The following MSANTD7 variants were observed in gnomAD, a reference collection of about 807,000 sequenced individuals.
MSANTD7 encodes the protein Myb/SANT DNA binding domain containing 7.
the MSANTD7 span, chr10:14,845,776 AG>A: frequency 5.9e-6 from 1 of 170,290 alleles, no homozygotes; most frequent in Admixed American, 6.6e-5. Flanking sequence ...TGGCCAGGCT[AG>A]TCTTGAACTC....
chr10:14,844,741 G>T, the MSANTD7 span: 4 of 967,300 alleles, frequency 4.1e-6, no homozygotes, highest in Non-Finnish European at 3.7e-6. Context: ...TAAATTCTTT[G>T]CATTTCATAT....
chr10:14,838,495 C>T, the MSANTD7 span: 3 of 1,557,166 alleles, frequency 1.9e-6, no homozygotes, highest in Middle Eastern at 1.9e-4. Context: ...GGCTTCATGA[C>T]GGCCACCCGG....
the MSANTD7 span, chr10:14,842,240 C>T: frequency 2.0e-6 from 3 of 1,535,640 alleles, no homozygotes; most frequent in South Asian, 1.2e-5. The surrounding 1 kb of genome is among the most constrained non-coding windows in gnomAD (Gnocchi z 5.2). Context: ...TTCAGACTTG[C>T]ACCTTGCTGT....
chr10:14,839,066 A>G, the MSANTD7 span, among the ~76,000 whole-genome samples: 435 of 152,300 alleles, frequency 2.9e-3, 1 homozygote, highest in Non-Finnish European at 4.7e-3. Flanking sequence ...GGTCCCGCAA[A>G]GCTGCCTGGC....
At chr10:14,844,819 A>G in the MSANTD7 span, 5 of 985,432 alleles carry the variant, frequency 5.1e-6, no homozygotes, top group Admixed American at 3.1e-4. Context: ...CATTGTGGAA[A>G]CAATTCAGAT....
the MSANTD7 span, chr10:14,838,423 C>T: frequency 6.2e-7 from 1 of 1,606,520 alleles, no homozygotes; most frequent in South Asian, 1.1e-5. Flanking sequence ...TCGGAGTTCA[C>T]CTGGGCTGCA....
the MSANTD7 span, chr10:14,843,642 G>T: frequency 3.9e-6 from 6 of 1,550,102 alleles, no homozygotes; most frequent in Non-Finnish European, 4.4e-6. Flanking sequence ...CAGTGGCCAG[G>T]ACTATCGCAG....
chr10:14,842,711 A>C, the MSANTD7 span: 1 of 1,536,484 alleles, frequency 6.5e-7, no homozygotes. This position sits in a 1 kb window ranked among gnomAD's most constrained non-coding sequence, Gnocchi z 5.2. Flanking sequence ...AAAATCAAAA[A>C]GGACTCAGGC....
chr10:14,842,083 A>G, the MSANTD7 span: 1 of 1,416,494 alleles, frequency 7.1e-7, no homozygotes, highest in Non-Finnish European at 9.6e-7. This position sits in a 1 kb window ranked among gnomAD's most constrained non-coding sequence, Gnocchi z 5.2. Flanking sequence ...CTTGCTGCCA[A>G]AATTATCCTT....
the MSANTD7 span, chr10:14,843,399 C>A: frequency 1.3e-6 from 2 of 1,550,876 alleles, no homozygotes; most frequent in African/African-American, 2.7e-5. Flanking sequence ...CCAGCTACAG[C>A]AGCTCCCACA....
chr10:14,842,857 A>G, the MSANTD7 span: 19 of 1,503,166 alleles, frequency 1.3e-5, no homozygotes, highest in African/African-American at 2.5e-4. This position sits in a 1 kb window ranked among gnomAD's most constrained non-coding sequence, Gnocchi z 5.2. Flanking sequence ...GTAACTCCCA[A>G]GCATGTGAAG....
the MSANTD7 span, among the ~76,000 whole-genome samples, chr10:14,841,483 C>A: frequency 6.6e-6 from 1 of 152,114 alleles, no homozygotes; most frequent in South Asian, 2.1e-4. Flanking sequence ...GATTCACCAC[C>A]TCTCCCCGTG....
chr10:14,842,458 C>T, the MSANTD7 span: 38 of 1,536,016 alleles, frequency 2.5e-5, no homozygotes, highest in Non-Finnish European at 3.1e-5. The surrounding 1 kb of genome is among the most constrained non-coding windows in gnomAD (Gnocchi z 5.2). Context: ...TCCGCCGCAC[C>T]GAACGTCAGT....
chr10:14,842,761 A>G, the MSANTD7 span: 27 of 1,536,456 alleles, frequency 1.8e-5, no homozygotes, highest in Non-Finnish European at 2.1e-5. The surrounding 1 kb of genome is among the most constrained non-coding windows in gnomAD (Gnocchi z 5.2). Context: ...TTAAGGCATC[A>G]GATGAGGATT....
At chr10:14,838,602 A>C in the MSANTD7 span, 1 of 762,256 alleles carries the variant, frequency 1.3e-6, no homozygotes, top group Admixed American at 3.2e-5. Context: ...TCCGGAGCGA[A>C]GGGCCGGGCA....
the MSANTD7 span, chr10:14,838,351 T>A: frequency 6.5e-7 from 1 of 1,543,712 alleles, no homozygotes; most frequent in Non-Finnish European, 8.8e-7. Context: ...GGCCGGTAGC[T>A]GTTGCTGTTG....
At chr10:14,840,937 C>T in the MSANTD7 span, among the ~76,000 whole-genome samples, 1 of 152,076 alleles carries the variant, frequency 6.6e-6, no homozygotes, top group Non-Finnish European at 1.5e-5. Flanking sequence ...TGGCATTATC[C>T]TAGGGGGTAA....
the MSANTD7 span, chr10:14,844,343 G>T: frequency 9.7e-7 from 1 of 1,031,624 alleles, no homozygotes; most frequent in South Asian, 3.5e-5. Flanking sequence ...CCTTGGCTGA[G>T]GTAAGGCAGA....
At chr10:14,839,893 T>G in the MSANTD7 span, 1 of 1,607,174 alleles carries the variant, frequency 6.2e-7, no homozygotes, top group African/African-American at 1.3e-5. Flanking sequence ...TATTTCGTGT[T>G]TTTTTCTCTA....
Sources: allele counts gnomAD v4.1 joint callset (sites outside exome capture counted in the v4.1 genomes callset), GRCh38; gene constraint gnomAD v4.1.1; non-coding constraint Gnocchi (gnomAD v3.1); transcripts MANE v1.5; gene names NCBI Gene and HGNC (gene_info 2026-07-23, HGNC 2026-07-21).